Variants in DSC3 observed in about 807,000 individuals in gnomAD.
The protein encoded by DSC3 is desmocollin-3.
Under a neutral mutation model 89.5 loss-of-function variants are expected in DSC3, and 97 were observed. The ratio of observed to expected loss-of-function variants is 1.08; its 90% confidence interval spans 0.92 to 1.28. The LOEUF (loss-of-function observed/expected upper bound fraction) is 1.28, where lower values mean the gene tolerates loss of function less well. Ranked by LOEUF, DSC3 falls within the 50% of genes most tolerant of loss-of-function variation. The pLI is 0.00. For missense variants in DSC3, 1,199 were observed against 1,085.3 expected, an observed-to-expected ratio of 1.10 and a Z score of -1.47; for synonymous variants, 436 against 384.1, an observed-to-expected ratio of 1.14 and a Z score of -1.58.
At chr18:31,023,880 G>A (rs2144718738) in intron 6 of DSC3, among the ~76,000 whole-genome samples, 1 of 152,088 alleles carries the variant, frequency 6.6e-6, no homozygotes, top group African/African-American at 2.4e-5. Context: ...GAAGTAGTGA[G>A]GTAGTAGTTT....
chr18:31,030,080 C>G (rs1985730426), intron 3 of DSC3, among the ~76,000 whole-genome samples: 1 of 152,134 alleles, frequency 6.6e-6, no homozygotes, highest in Non-Finnish European at 1.5e-5. Flanking sequence ...TATGGTAGCC[C>G]TTGGCCACCA....
rs751736953 is a variant in DSC3 at position 31,031,194 on chromosome 18, T to C, written c.155-22A>G. The C allele has an allele frequency of 4.4e-6, 7 of 1,575,570 alleles. No homozygotes were observed. In the East Asian group the frequency reaches 1.4e-4, roughly 31 times the overall value. On this transcript the variant is annotated intron_variant, in intron 2 of 15. Transcript: ENST00000360428. ...TTAACTGCAAGTAAAAATTTCCAAG[T>C]TGTAAGGTAAAAACACATGAGAAAA...
At chr18:31,041,534 G>T (rs1267939605) in intron 1 of DSC3, among the ~76,000 whole-genome samples, 2 of 152,182 alleles carry the variant, frequency 1.3e-5, no homozygotes, top group African/African-American at 4.8e-5. Context: ...CGCGAGACCA[G>T]ACTCGGCTCA....
intron 1 of DSC3, among the ~76,000 whole-genome samples, chr18:31,035,880 G>C (rs953247966): frequency 6.6e-6 from 1 of 151,996 alleles, no homozygotes. Context: ...TCATTATATA[G>C]TATATGCTTG....
At chr18:31,038,263 A>T (rs906469982) in intron 1 of DSC3, among the ~76,000 whole-genome samples, 3 of 152,258 alleles carry the variant, frequency 2.0e-5, no homozygotes, top group African/African-American at 7.2e-5. Flanking sequence ...AACAATTTAC[A>T]TAAAGTACAT....
chr18:31,042,665 A>G lies in DSC3; in HGVS notation c.-5T>C. 6.5e-7 allele frequency: 1 copy of G among 1,548,946 alleles called. No individual in the cohort carries two copies. The highest frequency in any genetic ancestry group is 8.7e-7 in the Non-Finnish European group (1 of 1,146,110). ...CCGGGGCCCAGCGGCGGCCATCGGG[A>G]TGCCGGGCAGGGCCAGGAGAACGCG... On this transcript the variant is annotated 5_prime_UTR_variant, in exon 1 of 16. Coordinates refer to ENST00000360428, the MANE Select transcript of DSC3 (RefSeq NM_001941.5).
intron 12 of DSC3, among the ~76,000 whole-genome samples, chr18:31,006,595 C>A (rs75616746): frequency 0.031 from 4,783 of 152,156 alleles, 268 homozygotes; most frequent in African/African-American, 0.11. Flanking sequence ...TCACCATGCC[C>A]AGCCATTGGC....
intron 13 of DSC3, among the ~76,000 whole-genome samples, chr18:31,003,112 G>A (rs566993248): frequency 3.3e-5 from 5 of 149,314 alleles, no homozygotes; most frequent in South Asian, 2.1e-4. Flanking sequence ...CAGGCGTTCC[G>A]CCTGGCTCTT....
chr18:31,032,035 A>G (rs373480706), intron 2 of DSC3, among the ~76,000 whole-genome samples, 157 bp downstream of exon 2: 22 of 152,264 alleles, frequency 1.4e-4, no homozygotes, highest in Admixed American at 5.2e-4. Context: ...CTCTCTTCAC[A>G]TTTTTAACAG....
chr18:31,024,532 T>C (rs1395417892), intron 5 of DSC3, 39 bp from the exon 6 acceptor site: 1 of 1,601,982 alleles, frequency 6.2e-7, no homozygotes, highest in Admixed American at 1.7e-5. Context: ...TAATATCAGA[T>C]CCCGGCAAGA....
chr18:31,039,298 T>C (rs2144743772), intron 1 of DSC3, among the ~76,000 whole-genome samples: 1 of 152,276 alleles, frequency 6.6e-6, no homozygotes, highest in Non-Finnish European at 1.5e-5. Context: ...TTAAAGGTGT[T>C]ATCTGCAGTT....
chr18:30,993,053 T>A lies in DSC3; in HGVS notation c.*1122A>T, dbSNP rs1984326541. 1 of 152,380 alleles carries A rather than the reference T, an allele frequency of 6.6e-6. No homozygotes were observed. The highest frequency in any genetic ancestry group is 1.5e-5 in the Non-Finnish European group (1 of 68,102). 9.4% of individuals were successfully genotyped at this position (152,380 alleles called of 1,614,324 possible). A position where few individuals can be genotyped will look rare whatever the true frequency, so the allele number is the denominator to read the frequency against. ...CTTTCAGTAAGATCCTCCCCTCAGCTCCCTCTAGCCTCTAAACTCTAGGAG... is the reference window on the plus strand; with the variant it reads ...CTTTCAGTAAGATCCTCCCCTCAGCACCCTCTAGCCTCTAAACTCTAGGAG... On this transcript the variant is annotated 3_prime_UTR_variant, in exon 16 of 16. Coordinates refer to ENST00000360428, the MANE Select transcript of DSC3 (RefSeq NM_001941.5).
intron 2 of DSC3, 71 bp from the exon 3 acceptor site, chr18:31,031,243 A>T: frequency 9.1e-7 from 1 of 1,094,638 alleles, no homozygotes; most frequent in Non-Finnish European, 1.3e-6. Context: ...AATAATTTAT[A>T]TAATATTCTT....
At chr18:31,032,075 G>T in intron 2 of DSC3, 117 bp downstream of exon 2, 1 of 730,670 alleles carries the variant, frequency 1.4e-6, no homozygotes, top group Non-Finnish European at 2.5e-6. Context: ...CTCCCTGGAG[G>T]AACATCCCTT....
chr18:31,010,834 A>C (rs1406876878), intron 9 of DSC3, among the ~76,000 whole-genome samples: 2 of 152,230 alleles, frequency 1.3e-5, no homozygotes, highest in African/African-American at 2.4e-5. Flanking sequence ...CCCAGAACAC[A>C]GCAAAAGCCT....
Position 31,007,125 on chromosome 18 carries a change from C to A in DSC3, c.1670G>T (p.Arg557Ile), listed in dbSNP as rs1230194874. The A allele has an allele frequency of 3.7e-6, 6 of 1,610,290 alleles. No individual in the cohort carries two copies. The highest frequency in any genetic ancestry group is 3.3e-4 in the Middle Eastern group (2 of 6,032). ...ITVLAIDKDD[R>I]SCTGTLAVNI... ...CACAGCAAGTGTTCCAGTACATGAT[C>A]TATCATCTAAGGAGACAGGAATAAG... Residue 557 changes from arginine (R) to isoleucine (I), a missense_variant, in exon 12 of 16, where the codon AGA (arginine) becomes ATA (isoleucine). By Grantham distance (97) the Arg-to-Ile change is moderately conservative (BLOSUM62 -3). Transcript: ENST00000360428.
At position 30,992,879 on chromosome 18, in the gene DSC3, G is replaced by T. The variant is rs1222631257; in HGVS notation, c.*1296C>A. On this transcript the variant is annotated 3_prime_UTR_variant, in exon 16 of 16. Coordinates refer to ENST00000360428, the MANE Select transcript of DSC3 (RefSeq NM_001941.5). ...TTTAGCAGAAAGCCGAAAGAAGGGG[G>T]CCCACAAGGCCTGGCTTTCCTTGAT... The T allele has an allele frequency of 6.6e-6, 1 of 152,226 alleles. No individual in the cohort carries two copies. The highest frequency in any genetic ancestry group is 1.5e-5 in the Non-Finnish European group (1 of 68,064). 9.4% of individuals were successfully genotyped at this position (152,226 alleles called of 1,614,324 possible). A position where few individuals can be genotyped will look rare whatever the true frequency, so the allele number is the denominator to read the frequency against.
At position 31,021,435 on chromosome 18, in the gene DSC3, C is replaced by T. The variant is rs549620306; in HGVS notation, c.942+901G>A. ...CCGGCCCCATAAAAAATAAAAATAA[C>T]GACAATTAAAACGTTTGTACTACTT... On this transcript the variant is annotated intron_variant, in intron 7 of 15. Transcript: ENST00000360428. Among the ~76,000 whole-genome samples the T allele has an allele frequency of 1.8e-3, 278 of 152,168 alleles. 3 individuals carry two copies. Among genetic ancestry groups the T allele is most frequent in the Non-Finnish European group, 2.8e-3 (187 of 67,990 alleles).
Position 31,008,413 on chromosome 18 carries a change from G to A in DSC3, c.1376C>T (p.Thr459Ile), listed in dbSNP as rs1192346763. 1.9e-6 allele frequency: 3 copies of A among 1,614,132 alleles called. No individual in the cohort carries two copies. The highest frequency in any genetic ancestry group is 1.7e-6 in the Non-Finnish European group (2 of 1,180,022). The change falls in exon 10 of 16, where the codon ACA becomes ATA. Residue 459 changes from threonine (T) to isoleucine (I), a missense_variant. Transcript: ENST00000360428. ...CTCATCCAGATCCCTCACATGAACT[G>A]TAACCAAGGCTCTGTTCAAGGCTGT... ...RVTALNRALVTVHVRDLDEGP... is the reference protein window; with the variant it reads ...RVTALNRALVIVHVRDLDEGP...
Sources: gnomAD v4.1 joint callset for allele counts (sites outside exome capture counted in the v4.1 genomes callset) on GRCh38, gnomAD v4.1.1 for gene constraint, MANE v1.5 for transcripts, NCBI Gene and HGNC (gene_info 2026-07-23, HGNC 2026-07-21) for gene names.